The following ESPNL variants were observed in gnomAD, a reference collection of about 807,000 sequenced individuals.
The protein encoded by ESPNL is espin like.
A neutral mutation model predicts 46.8 loss-of-function variants in ESPNL; 49 were observed. The observed-to-expected ratio is 1.05, with a 90% CI of 0.83 to 1.33. The LOEUF (loss-of-function observed/expected upper bound fraction) is 1.33. ESPNL is among the 40% of genes most tolerant of loss of function. ESPNL has a pLI of 0.00. For synonymous variants in ESPNL, 664 were observed against 662.1 expected, an observed-to-expected ratio of 1.00 and a Z score of -0.04; for missense variants, 1,540 against 1,436.6, an observed-to-expected ratio of 1.07 and a Z score of -1.16.
At chr2:238,125,455 G>A (rs1341589624) in intron 6 of ESPNL, 71 bp downstream of exon 6, 5 of 926,660 alleles carry the variant, frequency 5.4e-6, no homozygotes, top group East Asian at 3.1e-5. Flanking sequence ...CCTCCCCTCC[G>A]AGGTCCTGGA....
At chr2:238,112,776 C>T (rs74001580) in intron 4 of ESPNL, among the ~76,000 whole-genome samples, 3,208 of 152,260 alleles carry the variant, frequency 0.021, 115 homozygotes, top group African/African-American at 0.073. Context: ...TTTCCAAATA[C>T]GAAGGTGTTC....
chr2:238,127,787 AT>A, intron 7 of ESPNL, 53 bp downstream of exon 7: 1 of 1,381,406 alleles, frequency 7.2e-7, no homozygotes, highest in Non-Finnish European at 1.0e-6. Context: ...GCCAGCCTCC[AT>A]TCCCATCCTC....
chr2:238,124,758 A>C (rs1692065731), intron 5 of ESPNL, among the ~76,000 whole-genome samples: 1 of 142,284 alleles, frequency 7.0e-6, no homozygotes, highest in Non-Finnish European at 1.5e-5. Context: ...TGTGTGCAGG[A>C]GAGTGTACAT....
At chr2:238,109,800 G>A (rs958314455) in intron 4 of ESPNL, among the ~76,000 whole-genome samples, 37 of 151,904 alleles carry the variant, frequency 2.4e-4, no homozygotes, top group Non-Finnish European at 3.5e-4. Context: ...TCTATCCCAG[G>A]ATCCCATTTA....
At chr2:238,128,569 G>GC (rs531618407) in intron 7 of ESPNL, 138 bp from the exon 8 acceptor site, 109 of 711,996 alleles carry the variant, frequency 1.5e-4, no homozygotes, top group Admixed American at 8.7e-4. Context: ...GCTGTCCGTG[G>GC]CCCCCACTGT....
At chr2:238,111,033 A>C (rs1339827127) in intron 4 of ESPNL, among the ~76,000 whole-genome samples, 1 of 143,022 alleles carries the variant, frequency 7.0e-6, no homozygotes, top group Non-Finnish European at 1.5e-5. Flanking sequence ...GCTCACTGCA[A>C]CCTCTGCCTC....
intron 5 of ESPNL, among the ~76,000 whole-genome samples, chr2:238,118,551 A>AG (rs1366053020): frequency 1.1e-5 from 1 of 90,932 alleles, no homozygotes; most frequent in Non-Finnish European, 2.1e-5. Flanking sequence ...TGGATGGAAG[A>AG]GGTGGATGGA....
At chr2:238,127,005 ATC>A (rs912114078) in intron 6 of ESPNL, among the ~76,000 whole-genome samples, 5 of 136,520 alleles carry the variant, frequency 3.7e-5, no homozygotes, top group Admixed American at 2.9e-4. Context: ...GTGATTGTGT[ATC>A]TGTGTGTGAT....
intron 4 of ESPNL, among the ~76,000 whole-genome samples, chr2:238,112,083 T>A (rs892271059): frequency 6.6e-6 from 1 of 152,116 alleles, no homozygotes; most frequent in Non-Finnish European, 1.5e-5. Flanking sequence ...ATTAGACTTA[T>A]TTTTTTCTTT....
At chr2:238,117,992 A>AGGTGGATGGAGGAGGAATGGATGGAGGAG (rs1691853525) in intron 5 of ESPNL, among the ~76,000 whole-genome samples, 1 of 147,650 alleles carries the variant, frequency 6.8e-6, no homozygotes, top group Non-Finnish European at 1.5e-5. Context: ...AGATGGAGGA[A>AGGTGGATGGAGGAGGAATGGATGGAGGAG]GGTGGATGGA....
In ESPNL at chr2:238,131,533, G is replaced by A. The variant is rs761291584; in HGVS notation, c.2819G>A (p.Gly940Asp). ...SQRPAWDTEP[G>D]RKSGLTLLGP... is the part of the protein sequence containing the mutation. Reference sequence around the variant, plus strand: ...CGTCCCGCCTGGGATACGGAGCCTGGCCGCAAGTCAGGTCTGACCCTGCTC... The same window carrying A: ...CGTCCCGCCTGGGATACGGAGCCTGACCGCAAGTCAGGTCTGACCCTGCTC... Residue 940 changes from glycine (G) to aspartate (D), a missense_variant, in exon 9 of 9, where the codon GGC becomes GAC. Physicochemically the swap from Gly to Asp is moderately conservative, Grantham distance 94. Coordinates refer to ENST00000343063, the MANE Select transcript of ESPNL (RefSeq NM_194312.4). 2 of 1,611,480 alleles carry A rather than the reference G, an allele frequency of 1.2e-6. No homozygotes were observed. The highest frequency in any genetic ancestry group is 1.7e-6 in the Non-Finnish European group (2 of 1,179,318).
chr2:238,120,538 G>T (rs946408031), intron 5 of ESPNL, among the ~76,000 whole-genome samples: 1 of 152,254 alleles, frequency 6.6e-6, no homozygotes, highest in Non-Finnish European at 1.5e-5. Flanking sequence ...TGTTAGGCTC[G>T]CCACGTCCTT....
rs1220679106 is a variant in ESPNL, at chr2:238,125,278, G to T, written c.996G>T (p.Leu332=). ...YLREVAQPVP[L]LMTPPPPPFP... ...GGCCCATTCACCCACAGGTGCCCCT[G>T]CTGATGACGCCCCCACCACCACCGT... Residue 332 remains leucine, a synonymous_variant, in exon 6 of 9, where the codon CTG becomes CTT. Transcript: ENST00000343063. 6.6e-7 allele frequency: 1 copy of T among 1,513,664 alleles called. No individual in the cohort carries two copies. Among genetic ancestry groups the T allele is most frequent in the South Asian group, 1.3e-5 (1 of 77,292 alleles). 93.8% of individuals were successfully genotyped at this position (1,513,664 alleles called of 1,614,324 possible).
At chr2:238,115,622 C>T (rs1691799060) in intron 4 of ESPNL, among the ~76,000 whole-genome samples, 1 of 152,234 alleles carries the variant, frequency 6.6e-6, no homozygotes, top group South Asian at 2.1e-4. Flanking sequence ...CTAATTGCAC[C>T]TTTTATAGGT....
chr2:238,127,342 C>G, intron 6 of ESPNL: 1 of 1,248,898 alleles, frequency 8.0e-7, no homozygotes, highest in Non-Finnish European at 1.0e-6. Context: ...CGGCCTCAAG[C>G]CCTTCCCAGC....
chr2:238,127,529 G>A (rs2106478480), intron 6 of ESPNL, 93 bp from the exon 7 acceptor site: 1 of 1,470,340 alleles, frequency 6.8e-7, no homozygotes, highest in South Asian at 1.4e-5. Context: ...CGTTCAGGAG[G>A]TCAGCTCTGC....
At chr2:238,101,123 A>G (rs1461536043) in intron 1 of ESPNL, among the ~76,000 whole-genome samples, 2 of 152,106 alleles carry the variant, frequency 1.3e-5, no homozygotes, top group African/African-American at 4.8e-5. Flanking sequence ...AGGGCTGCTG[A>G]TGGTGATCGT....
Position 238,131,406 on chromosome 2 carries a change from C to A in ESPNL, c.2692C>A (p.Arg898Ser). 1.2e-6 allele frequency: 2 copies of A among 1,607,218 alleles called. No individual in the cohort carries two copies. The highest frequency in any genetic ancestry group is 1.7e-6 in the Non-Finnish European group (2 of 1,177,678). The stretch of plus-strand genomic sequence containing the variant: ...GGGCACCCACGGCTGGGAGGCTGTG[C>A]GCGCCTTCCACAAGGCCGTGACCGA... ...HLGTHGWEAV[R>S]AFHKAVTDEV... Residue 898 changes from arginine to serine, a missense_variant, in exon 9 of 9, where the codon CGC (arginine) becomes AGC (serine). Coordinates refer to ENST00000343063, the MANE Select transcript of ESPNL (RefSeq NM_194312.4).
chr2:238,126,732 TTG>T (rs1051852289), intron 6 of ESPNL, among the ~76,000 whole-genome samples: 25 of 151,116 alleles, frequency 1.7e-4, no homozygotes, highest in African/African-American at 4.1e-4. Context: ...CTGCGTATGA[TTG>T]TGTCTGTGTG....
Sources: gnomAD v4.1 joint callset for allele counts (sites outside exome capture counted in the v4.1 genomes callset) on GRCh38, gnomAD v4.1.1 for gene constraint, MANE v1.5 for transcripts, NCBI Gene and HGNC (gene_info 2026-07-23, HGNC 2026-07-21) for gene names.